Variants in PCDH7 observed in about 807,000 individuals in gnomAD.
PCDH7 encodes the protein protocadherin-7.
A neutral mutation model predicts 58.9 loss-of-function variants in PCDH7; 17 were observed. The ratio of observed to expected loss-of-function variants is 0.29; its 90% CI spans 0.20 to 0.43. PCDH7 has a LOEUF of 0.43. Ranked by LOEUF, PCDH7 falls within the 20% of genes least tolerant of loss-of-function variation. The pLI, the probability that PCDH7 is intolerant of heterozygous loss-of-function variation, is 1.00. For synonymous variants in PCDH7, 664 were observed against 616.4 expected (o/e 1.08, Z -1.14); for missense variants, 1,274 against 1,441.0 (o/e 0.88, Z 1.88).
At chr4:31,041,430 G>A (rs1021666200) in intron 3 of PCDH7, among the ~76,000 whole-genome samples, 1 of 152,064 alleles carries the variant, frequency 6.6e-6, no homozygotes, top group East Asian at 1.9e-4. Flanking sequence ...TGCTTAGCAT[G>A]ATGAAATGCA....
intron 3 of PCDH7, among the ~76,000 whole-genome samples, chr4:30,978,840 A>G (rs1186486176): frequency 6.6e-6 from 1 of 152,140 alleles, no homozygotes; most frequent in East Asian, 1.9e-4. Flanking sequence ...CCTCTTTGCT[A>G]AATAACAAAG....
chr4:30,776,859 G>GTA, intron 1 of PCDH7, among the ~76,000 whole-genome samples: 1 of 3,670 alleles, frequency 2.7e-4, no homozygotes, highest in South Asian at 3.9e-3. Context: ...TTGATATGTG[G>GTA]TGTGTGTGTG....
chr4:30,811,175 T>C (rs761750810), intron 1 of PCDH7, among the ~76,000 whole-genome samples: 2 of 152,208 alleles, frequency 1.3e-5, no homozygotes, highest in Non-Finnish European at 2.9e-5. Context: ...AAGGATGGTG[T>C]ACTTTCTACT....
chr4:31,120,477 T>C (rs533465671), intron 3 of PCDH7, among the ~76,000 whole-genome samples: 1 of 149,754 alleles, frequency 6.7e-6, no homozygotes, highest in African/African-American at 2.4e-5. Context: ...GTATGTTACA[T>C]CTCCTGTATG....
At chr4:30,740,806 T>C (rs1485855823) in intron 1 of PCDH7, among the ~76,000 whole-genome samples, 2 of 152,156 alleles carry the variant, frequency 1.3e-5, no homozygotes, top group Non-Finnish European at 2.9e-5. Context: ...ATATGACCTA[T>C]GTCATCTAAC....
chr4:30,949,801 T>C (rs1228770309), intron 2 of PCDH7, among the ~76,000 whole-genome samples: 4 of 152,078 alleles, frequency 2.6e-5, no homozygotes, highest in Non-Finnish European at 5.9e-5. Context: ...AGTTTTTTTC[T>C]GTTGTAAAAA....
intron 1 of PCDH7, among the ~76,000 whole-genome samples, chr4:30,851,263 C>A (rs1732702607): frequency 6.6e-6 from 1 of 151,836 alleles, no homozygotes; most frequent in African/African-American, 2.4e-5. Flanking sequence ...TAATGAGATA[C>A]ATTTGGGCCT....
chr4:30,734,623 G>A (rs1715987883), downstream of PCDH7, among the ~76,000 whole-genome samples: 2 of 152,064 alleles, frequency 1.3e-5, no homozygotes, highest in Admixed American at 1.3e-4. Flanking sequence ...TCATACATAG[G>A]ACAATGAAAA....
chr4:30,831,597 A>G (rs1729788220), intron 1 of PCDH7, among the ~76,000 whole-genome samples: 1 of 152,116 alleles, frequency 6.6e-6, no homozygotes, highest in Admixed American at 6.6e-5. Flanking sequence ...AATACAAAAT[A>G]AAACAAACAA....
intron 2 of PCDH7, among the ~76,000 whole-genome samples, chr4:30,931,495 A>G (rs944783640): frequency 6.6e-6 from 1 of 152,054 alleles, no homozygotes; most frequent in African/African-American, 2.4e-5. Flanking sequence ...GAATCGCTTG[A>G]ACCCGGGAGG....
chr4:30,810,363 CAT>C (rs1386370986), intron 1 of PCDH7, among the ~76,000 whole-genome samples: 1 of 151,750 alleles, frequency 6.6e-6, no homozygotes, highest in Non-Finnish European at 1.5e-5. Flanking sequence ...AATAAGTAGA[CAT>C]ATAGCAATAT....
intron 1 of PCDH7, among the ~76,000 whole-genome samples, chr4:30,840,934 C>A (rs889057864): frequency 6.6e-6 from 1 of 151,060 alleles, no homozygotes; most frequent in Non-Finnish European, 1.5e-5. Flanking sequence ...TTCTCATATT[C>A]AAGGAAACAC....
intron 1 of PCDH7, among the ~76,000 whole-genome samples, chr4:30,809,585 GACA>G (rs1726713428): frequency 6.6e-6 from 1 of 152,126 alleles, no homozygotes; most frequent in African/African-American, 2.4e-5. Flanking sequence ...TCTGAAATAG[GACA>G]ACAATGATTG....
chr4:30,836,471 A>C (rs1730496544), intron 1 of PCDH7, among the ~76,000 whole-genome samples: 1 of 152,210 alleles, frequency 6.6e-6, no homozygotes, highest in South Asian at 2.1e-4. Context: ...AATAAATAGA[A>C]AGTGTAGGAG....
At chr4:30,985,179 A>G (rs1451189604) in intron 3 of PCDH7, among the ~76,000 whole-genome samples, 1 of 152,134 alleles carries the variant, frequency 6.6e-6, no homozygotes, top group African/African-American at 2.4e-5. Flanking sequence ...CTGGTCTCGA[A>G]CTTGTGACCT....
rs369565293 is a variant in PCDH7 at position 30,723,471 on chromosome 4, C to T, written c.2049C>T (p.Asn683=). ...GCCTGTACATAGAGGAGAACAATAA[C>T]ATTTTTTCTATTGAAAATGACACGG... The change falls in exon 1 of 2, where the codon AAC becomes AAT. Residue 683 remains asparagine (N), a synonymous_variant. Coordinates refer to ENST00000361762, the Ensembl canonical transcript of PCDH7. The surrounding 1 kb of genome is among the most constrained non-coding windows in gnomAD (Gnocchi z 4.6). 2 of 1,613,968 alleles carry T rather than the reference C, an allele frequency of 1.2e-6. No individual in the cohort carries two copies. Among genetic ancestry groups the T allele is most frequent in the Non-Finnish European group, 1.7e-6 (2 of 1,180,008 alleles).
chr4:31,084,557 A>AT (rs1347483327), intron 3 of PCDH7, among the ~76,000 whole-genome samples: 1 of 150,772 alleles, frequency 6.6e-6, no homozygotes, highest in African/African-American at 2.4e-5. Context: ...TGGTGCCTGC[A>AT]TCTGCTTCTA....
chr4:30,795,303 T>C (rs1181526118), intron 1 of PCDH7, among the ~76,000 whole-genome samples: 57 of 152,314 alleles, frequency 3.7e-4, no homozygotes, highest in Non-Finnish European at 8.8e-5. Context: ...TAAATGAAGA[T>C]AATAGCACAC....
chr4:31,113,830 T>C (rs1716642463), intron 3 of PCDH7, among the ~76,000 whole-genome samples: 1 of 137,844 alleles, frequency 7.3e-6, no homozygotes, highest in Non-Finnish European at 1.5e-5. Flanking sequence ...AGTTAACCTT[T>C]CTTTTTTTTT....
Sources: gnomAD v4.1 joint callset for allele counts (sites outside exome capture counted in the v4.1 genomes callset) on GRCh38, gnomAD v4.1.1 for gene constraint, Gnocchi (gnomAD v3.1) non-coding constraint, MANE v1.5 for transcripts, NCBI Gene and HGNC (gene_info 2026-07-23, HGNC 2026-07-21) for gene names.